Variants in ROBO2 observed in about 807,000 individuals in gnomAD.
The protein encoded by ROBO2 is roundabout guidance receptor 2.
A neutral mutation model predicts 160.8 loss-of-function variants in ROBO2; 53 were observed. The observed-to-expected ratio is 0.33, with a 90% CI of 0.26 to 0.41. The LOEUF is 0.41. Among genes scored for constraint, ROBO2 ranks in the 10% least tolerant of loss-of-function variants. The probability of loss-of-function intolerance (pLI) is 1.00; values close to 1 mark genes in which losing one functional copy is unlikely to be tolerated. For missense variants in ROBO2, 1,577 were observed against 1,722.4 expected (o/e 0.92, Z 1.49); for synonymous variants, 664 against 611.7 (o/e 1.09, Z -1.26).
intron 2 of ROBO2, among the ~76,000 whole-genome samples, chr3:76,767,548 GAATA>G (rs2061642638): frequency 6.6e-6 from 1 of 151,482 alleles, no homozygotes; most frequent in Non-Finnish European, 1.5e-5. Flanking sequence ...CAATGATAAA[GAATA>G]AATATATTCT....
At chr3:76,630,555 T>A (rs2089968973) in intron 2 of ROBO2, among the ~76,000 whole-genome samples, 1 of 152,194 alleles carries the variant, frequency 6.6e-6, no homozygotes, top group South Asian at 2.1e-4. Context: ...ATGGTAAAAA[T>A]TGGTTTCAGT....
chr3:77,539,691 A>G (rs1032111934), intron 6 of ROBO2, among the ~76,000 whole-genome samples: 1 of 152,298 alleles, frequency 6.6e-6, no homozygotes, highest in East Asian at 1.9e-4. Context: ...GGTGAAAAAA[A>G]TATACCATTT....
chr3:76,560,937 T>G (rs1367088643), intron 2 of ROBO2, among the ~76,000 whole-genome samples: 6 of 1,700 alleles, frequency 3.5e-3, no homozygotes, highest in African/African-American at 4.2e-3. Flanking sequence ...AAGTAAGATA[T>G]ATATATATAT....
chr3:76,415,155 G>A (rs1258252550), intron 2 of ROBO2, among the ~76,000 whole-genome samples: 2 of 152,096 alleles, frequency 1.3e-5, no homozygotes, highest in Non-Finnish European at 1.5e-5. Flanking sequence ...CTCATGTATG[G>A]AATATATCAA....
At chr3:76,075,536 A>G (rs1023421912) in intron 2 of ROBO2, among the ~76,000 whole-genome samples, 1 of 146,136 alleles carries the variant, frequency 6.8e-6, no homozygotes, top group Non-Finnish European at 1.5e-5. Context: ...TAGATGTGCT[A>G]TTTGCAAAAC....
chr3:77,549,393 A>G (rs137994035), intron 7 of ROBO2, among the ~76,000 whole-genome samples: 1 of 152,026 alleles, frequency 6.6e-6, no homozygotes, highest in Non-Finnish European at 1.5e-5. Flanking sequence ...GTTTATTTTG[A>G]TAATACATTT....
intron 2 of ROBO2, among the ~76,000 whole-genome samples, chr3:76,558,152 T>C (rs554106421): frequency 3.3e-5 from 5 of 152,172 alleles, no homozygotes; most frequent in African/African-American, 9.6e-5. Flanking sequence ...AGTTGATCAA[T>C]AATAAACTCT....
At chr3:76,867,084 G>A (rs1035240335) in intron 2 of ROBO2, among the ~76,000 whole-genome samples, 2 of 152,106 alleles carry the variant, frequency 1.3e-5, no homozygotes, top group Admixed American at 6.5e-5. Flanking sequence ...GAGGACATTG[G>A]TTCATTTCAA....
At chr3:77,058,491 C>T (rs1412758935) in intron 1 of ROBO2, among the ~76,000 whole-genome samples, 1 of 152,018 alleles carries the variant, frequency 6.6e-6, no homozygotes, top group African/African-American at 2.4e-5. Context: ...AAAAAATGAA[C>T]CTATGAAATA....
At chr3:77,307,195 T>C (rs1404870386) in intron 2 of ROBO2, among the ~76,000 whole-genome samples, 1 of 152,218 alleles carries the variant, frequency 6.6e-6, no homozygotes, top group Non-Finnish European at 1.5e-5. Context: ...TTTATGTTGA[T>C]GGCTGGTATG....
intron 2 of ROBO2, among the ~76,000 whole-genome samples, chr3:76,278,684 C>T (rs1054393117): frequency 6.6e-6 from 1 of 151,918 alleles, no homozygotes; most frequent in Non-Finnish European, 1.5e-5. Context: ...TGGATCTGAA[C>T]AAGAAGACAC....
At chr3:77,187,430 A>T (rs988213012) in intron 2 of ROBO2, among the ~76,000 whole-genome samples, 1 of 151,960 alleles carries the variant, frequency 6.6e-6, no homozygotes, top group Admixed American at 6.6e-5. Context: ...GTACACTTAA[A>T]ATTAGCAAAG....
chr3:77,541,479 A>G (rs982810304), intron 6 of ROBO2, among the ~76,000 whole-genome samples: 2 of 152,230 alleles, frequency 1.3e-5, no homozygotes, highest in African/African-American at 4.8e-5. Flanking sequence ...ATCAAATCTA[A>G]TTTACTGTGC....
chr3:76,608,780 T>A (rs1158552679), intron 2 of ROBO2, among the ~76,000 whole-genome samples: 1 of 152,204 alleles, frequency 6.6e-6, no homozygotes, highest in Non-Finnish European at 1.5e-5. Context: ...TTCTTCTGCA[T>A]ATGGATATCC....
chr3:76,173,658 C>T (rs1290701350), intron 2 of ROBO2, among the ~76,000 whole-genome samples: 1 of 152,096 alleles, frequency 6.6e-6, no homozygotes, highest in Non-Finnish European at 1.5e-5. Context: ...TGATGGCTTC[C>T]AGCTTCATCC....
At chr3:77,205,196 C>G (rs1379431053) in intron 2 of ROBO2, among the ~76,000 whole-genome samples, 1 of 152,152 alleles carries the variant, frequency 6.6e-6, no homozygotes, top group Non-Finnish European at 1.5e-5. Context: ...ATCCTGAATT[C>G]TTGTCCAGTG....
intron 2 of ROBO2, chr3:76,434,708 C>T (rs371773433): frequency 1.3e-5 from 14 of 1,055,648 alleles, no homozygotes; most frequent in Middle Eastern, 2.0e-4. Flanking sequence ...ACCAGGCAGG[C>T]CCCCCTCCTC....
intron 2 of ROBO2, among the ~76,000 whole-genome samples, chr3:77,379,152 T>C (rs953400473): frequency 6.6e-6 from 1 of 152,124 alleles, no homozygotes; most frequent in African/African-American, 2.4e-5. Context: ...TTCACCATGT[T>C]GGTCAGGTTT....
intron 2 of ROBO2, among the ~76,000 whole-genome samples, chr3:76,868,884 C>T (rs1463613348): frequency 1.3e-5 from 2 of 151,972 alleles, no homozygotes; most frequent in African/African-American, 4.8e-5. Flanking sequence ...TTATCTGTAT[C>T]GGTAATATTA....
Sources: allele counts gnomAD v4.1 joint callset (sites outside exome capture counted in the v4.1 genomes callset), GRCh38; gene constraint gnomAD v4.1.1; transcripts MANE v1.5; gene names NCBI Gene and HGNC (gene_info 2026-07-23, HGNC 2026-07-21).